The following SH3GL3 variants were observed in gnomAD, a reference collection of about 807,000 sequenced individuals.
The protein encoded by SH3GL3 is SH3 domain containing GRB2 like 3, endophilin A3.
SH3GL3 carries 33 observed loss-of-function variants against 47.7 expected under a neutral mutation model. The ratio of observed to expected loss-of-function variants is 0.69; its 90% CI spans 0.52 to 0.92. The LOEUF (loss-of-function observed/expected upper bound fraction) is 0.92, where lower values mean the gene tolerates loss of function less well. Ranked by LOEUF, SH3GL3 falls within the 40% of genes least tolerant of loss-of-function variation. SH3GL3 has a pLI of 0.00. For missense variants in SH3GL3, 363 were observed against 417.8 expected (o/e 0.87, Z 1.14); for synonymous variants, 155 against 148.8 (o/e 1.04, Z -0.30).
chr15:83,451,066 T>C (rs1347462945), intron 1 of SH3GL3, among the ~76,000 whole-genome samples: 1 of 111,002 alleles, frequency 9.0e-6, no homozygotes, highest in Non-Finnish European at 1.8e-5. Context: ...TTTGGTTTTT[T>C]GTTCTTGCGA....
intron 1 of SH3GL3, among the ~76,000 whole-genome samples, chr15:83,464,627 C>G (rs554853654): frequency 6.6e-6 from 1 of 152,238 alleles, no homozygotes; most frequent in East Asian, 1.9e-4. Context: ...CAAAACAAAC[C>G]AAAGTAAAAC....
At chr15:83,464,019 C>T (rs2040445380) in intron 1 of SH3GL3, among the ~76,000 whole-genome samples, 1 of 152,160 alleles carries the variant, frequency 6.6e-6, no homozygotes, top group African/African-American at 2.4e-5. Flanking sequence ...GCCTCGGCCT[C>T]CCAAAGTGCT....
chr15:83,627,327 G>A, the SH3GL3 span, among the ~76,000 whole-genome samples: 8 of 151,006 alleles, frequency 5.3e-5, no homozygotes, highest in South Asian at 1.5e-3. Flanking sequence ...AACCCGGGAG[G>A]CAGAGTTTGC....
chr15:83,462,612 A>G (rs1169567646), intron 1 of SH3GL3, among the ~76,000 whole-genome samples: 1 of 152,246 alleles, frequency 6.6e-6, no homozygotes, highest in Admixed American at 6.5e-5. Flanking sequence ...GAACTATTGC[A>G]TAAACTAGAT....
intron 8 of SH3GL3, among the ~76,000 whole-genome samples, chr15:83,589,697 C>T (rs934877009): frequency 3.9e-5 from 6 of 152,050 alleles, no homozygotes; most frequent in Non-Finnish European, 5.9e-5. Context: ...TTTTTAAATG[C>T]GAGATTATAC....
At chr15:83,616,397 G>C (rs905324483) in intron 8 of SH3GL3, among the ~76,000 whole-genome samples, 1 of 151,844 alleles carries the variant, frequency 6.6e-6, no homozygotes, top group African/African-American at 2.4e-5. Context: ...GGGACTACAG[G>C]TGCCCGCCAC....
chr15:83,509,155 C>A (rs1437852129), intron 1 of SH3GL3, among the ~76,000 whole-genome samples: 1 of 152,176 alleles, frequency 6.6e-6, no homozygotes, highest in South Asian at 2.1e-4. Flanking sequence ...AGGGGAATTG[C>A]CTTTGGAACA....
intron 1 of SH3GL3, among the ~76,000 whole-genome samples, chr15:83,555,934 T>C (rs2044933110): frequency 6.6e-6 from 1 of 152,234 alleles, no homozygotes. Context: ...TGCTTATCTT[T>C]CTGGTTTTCT....
rs542513408 is a variant in SH3GL3, at chr15:83,591,916, G to A, written c.838+3145G>A. ...TGTTGATCTCCTGACCTTGTGATCC[G>A]CCCGCCTTGGCCTCCCAAAGTGCTG... On this transcript the variant is annotated intron_variant, in intron 8 of 8. Transcript: ENST00000427482. Among the ~76,000 whole-genome samples the A allele has an allele frequency of 7.3e-4, 110 of 151,166 alleles. 1 individual carries two copies. Among genetic ancestry groups the A allele is most frequent in the African/African-American group, 2.5e-3 (105 of 41,226 alleles).
intron 6 of SH3GL3, among the ~76,000 whole-genome samples, chr15:83,584,511 G>A (rs953806638): frequency 1.3e-5 from 2 of 152,130 alleles, no homozygotes; most frequent in African/African-American, 4.8e-5. Context: ...TGTCTCCCAA[G>A]TTGCTTCTTC....
At chr15:83,515,805 C>T (rs538112419) in intron 1 of SH3GL3, among the ~76,000 whole-genome samples, 5 of 152,198 alleles carry the variant, frequency 3.3e-5, no homozygotes, top group East Asian at 3.9e-4. Flanking sequence ...TCATGGATAA[C>T]GTTTTGCTGA....
chr15:83,461,985 A>G (rs1349145871), intron 1 of SH3GL3, among the ~76,000 whole-genome samples: 1 of 152,244 alleles, frequency 6.6e-6, no homozygotes, highest in Non-Finnish European at 1.5e-5. Flanking sequence ...GTTTTATTAT[A>G]TACTTGTAGA....
At chr15:83,488,827 A>G (rs2041733917) in intron 1 of SH3GL3, among the ~76,000 whole-genome samples, 2 of 152,220 alleles carry the variant, frequency 1.3e-5, no homozygotes, top group South Asian at 4.1e-4. Context: ...TGATTTGGGC[A>G]TATGGTCAAC....
Position 83,448,970 on chromosome 15 carries a change from G to A in SH3GL3, c.45+1392G>A, listed in dbSNP as rs900867387. ...GTCTTTGGGACATTCACATGTCACT[G>A]GCCTGGGTTGGGGTGCATATCCTGA... On this transcript the variant is annotated intron_variant, in intron 1 of 8. Coordinates refer to ENST00000427482, the MANE Select transcript of SH3GL3 (RefSeq NM_003027.5). The surrounding 1 kb of genome is among the most constrained non-coding windows in gnomAD (Gnocchi z 4.2). 6.6e-6 allele frequency among the ~76,000 whole-genome samples: 1 copy of A among 152,182 alleles called. No individual in the cohort carries two copies. The highest frequency in any genetic ancestry group is 2.4e-5 in the African/African-American group (1 of 41,434).
intron 1 of SH3GL3, among the ~76,000 whole-genome samples, chr15:83,509,644 TAAG>T (rs1276200238): frequency 6.6e-6 from 1 of 152,204 alleles, no homozygotes; most frequent in Non-Finnish European, 1.5e-5. Flanking sequence ...TTTACCCTTT[TAAG>T]AAGATGATTT....
At chr15:83,488,752 G>C (rs893816888) in intron 1 of SH3GL3, among the ~76,000 whole-genome samples, 1 of 152,222 alleles carries the variant, frequency 6.6e-6, no homozygotes. Context: ...TTTGGGTTTT[G>C]TGGCTGATGT....
intron 1 of SH3GL3, among the ~76,000 whole-genome samples, chr15:83,558,682 T>A (rs567189306): frequency 2.0e-5 from 3 of 152,296 alleles, no homozygotes; most frequent in African/African-American, 7.2e-5. Context: ...TGGCTCTTTT[T>A]TCCATGCCTC....
intron 1 of SH3GL3, among the ~76,000 whole-genome samples, chr15:83,535,043 T>C (rs1020618897): frequency 6.6e-6 from 1 of 152,172 alleles, no homozygotes; most frequent in African/African-American, 2.4e-5. Flanking sequence ...TAATAAAATT[T>C]GGTAATATTT....
intron 6 of SH3GL3, 61 bp downstream of exon 6, chr15:83,576,802 C>A: frequency 8.3e-7 from 1 of 1,203,318 alleles, no homozygotes; most frequent in Non-Finnish European, 1.2e-6. Flanking sequence ...GAATATATGA[C>A]TATGATCGGC....
Sources: allele counts gnomAD v4.1 joint callset (sites outside exome capture counted in the v4.1 genomes callset), GRCh38; gene constraint gnomAD v4.1.1; non-coding constraint Gnocchi (gnomAD v3.1); transcripts MANE v1.5; gene names NCBI Gene and HGNC (gene_info 2026-07-23, HGNC 2026-07-21).